PRPF8: variants seen among roughly 807,000 people sequenced by gnomAD.
PRPF8 encodes pre-mRNA processing factor 8, also known as pre-mRNA-processing-splicing factor 8.
Under a neutral mutation model 285.9 loss-of-function variants are expected in PRPF8, and 64 were observed. The ratio of observed to expected loss-of-function variants is 0.22; its 90% CI spans 0.18 to 0.28. The LOEUF (loss-of-function observed/expected upper bound fraction) is 0.28. Ranked by LOEUF, PRPF8 falls within the 10% of genes least tolerant of loss-of-function variation. The pLI, the probability that PRPF8 is intolerant of heterozygous loss-of-function variation, is 1.00. For missense variants in PRPF8, 1,426 were observed against 3,026.7 expected (o/e 0.47, Z 12.41); for synonymous variants, 1,325 against 1,118.2 (o/e 1.18, Z -3.69).
intron 4 of PRPF8, 40 bp from the exon 5 acceptor site, chr17:1,682,078 C>A: frequency 6.2e-7 from 1 of 1,613,312 alleles, no homozygotes. Context: ...CTACCCACTG[C>A]CTCCCAACCA....
At chr17:1,666,880 C>T (rs1160067605) in intron 24 of PRPF8, among the ~76,000 whole-genome samples, 1 of 151,834 alleles carries the variant, frequency 6.6e-6, no homozygotes. Context: ...GGCAGATCTA[C>T]AGAAAGGAGG....
rs1190693647 is a variant in PRPF8, at chr17:1,651,039, A to C, written c.6853+69T>G. 24 of 1,613,724 alleles carry C rather than the reference A, an allele frequency of 1.5e-5. No homozygotes were observed. The Admixed American group carries it at 4.0e-4, about 27-fold the overall frequency. ...CCACCTCCAAGCCAGCCAGGCCCCA[A>C]GTGCAAAGGGCGATGGCCTCACCTT... is the stretch of plus-strand genomic sequence containing the variant. On this transcript the variant is annotated intron_variant, in intron 42 of 42. Coordinates refer to ENST00000304992, the MANE Select transcript of PRPF8 (RefSeq NM_006445.4). The surrounding 1 kb of genome is among the most constrained non-coding windows in gnomAD (Gnocchi z 5.1).
At chr17:1,668,354 C>CTTTTTTGTTTTTTTTTTTT (rs1912109413) in intron 24 of PRPF8, among the ~76,000 whole-genome samples, 1 of 105,576 alleles carries the variant, frequency 9.5e-6, no homozygotes. Flanking sequence ...GTCTAGCATT[C>CTTTTTTGTTTTTTTTTTTT]TTTTTTTTTT....
In PRPF8 at chr17:1,676,640, G is replaced by T. The variant is rs751383183; in HGVS notation, c.2253C>A (p.Thr751=). The change falls in exon 16 of 43, where the codon ACC becomes ACA. Residue 751 remains threonine, a synonymous_variant. Coordinates refer to ENST00000304992, the MANE Select transcript of PRPF8 (RefSeq NM_006445.4). The surrounding 1 kb of genome is among the most constrained non-coding windows in gnomAD (Gnocchi z 6.3). ...GTTCTCGGTTGTAGTGGGCAGTGTT[G>T]GTCCACCAGTCAGCCTTGGCCTTCA... ...RYVKAKADWW[T]NTAHYNRERI... 1 of 1,614,172 alleles carries T rather than the reference G, an allele frequency of 6.2e-7. No individual in the cohort carries two copies. The highest frequency in any genetic ancestry group is 2.2e-5 in the East Asian group (1 of 44,874).
chr17:1,658,176 A>G lies in PRPF8; in HGVS notation c.5505+77T>C. On this transcript the variant is annotated intron_variant, in intron 34 of 42. Transcript: ENST00000304992. This position sits in a 1 kb window ranked among gnomAD's most constrained non-coding sequence, Gnocchi z 4.1. ...TTCTCAGCCTTTCATCTAATAAACC[A>G]GTAAATATTACCAAGTCCACCCCAA... is the stretch of plus-strand genomic sequence containing the variant. The G allele has an allele frequency of 1.9e-6, 3 of 1,601,490 alleles. No homozygotes were observed. The highest frequency in any genetic ancestry group is 2.6e-6 in the Non-Finnish European group (3 of 1,170,904).
At position 1,658,978 on chromosome 17, in the gene PRPF8, A is replaced by G. The variant is rs147569835; in HGVS notation, c.5139-215T>C. ...TAAAGTAAAAAAGTATGACTACGTT[A>G]AAGTATGGAGCTAATGGAAAATACA... On this transcript the variant is annotated intron_variant, in intron 32 of 42. Transcript: ENST00000304992. The surrounding 1 kb of genome is among the most constrained non-coding windows in gnomAD (Gnocchi z 4.1). The G allele has an allele frequency of 2.8e-4, 188 of 682,792 alleles. No individual in the cohort carries two copies. In the African/African-American group the frequency reaches 3.0e-3, roughly 11 times the overall value. 42.3% of individuals were successfully genotyped at this position (682,792 alleles called of 1,614,324 possible).
rs769676574 is a variant in PRPF8, at chr17:1,684,513, G to A, written c.59C>T (p.Pro20Leu). ...PGNPVPGPLA[P>L]LPDYMSEEKL... ...CTCCTCCGACATGTAGTCCGGTAGC[G>A]GGGCTAGAGGGCCAGGCACCGGGTT... Residue 20 changes from proline (P) to leucine (L), a missense_variant, in exon 2 of 43, where the codon CCG (proline) becomes CTG (leucine). Transcript: ENST00000304992. 2.5e-6 allele frequency: 4 copies of A among 1,612,646 alleles called. No individual in the cohort carries two copies. Among genetic ancestry groups the A allele is most frequent in the Admixed American group, 1.7e-5 (1 of 60,028 alleles).
chr17:1,668,309 C>G (rs1031939692), intron 24 of PRPF8, among the ~76,000 whole-genome samples: 4 of 151,458 alleles, frequency 2.6e-5, no homozygotes, highest in African/African-American at 9.7e-5. Flanking sequence ...CTCTTCTGCT[C>G]TCTCTCCTCT....
intron 24 of PRPF8, among the ~76,000 whole-genome samples, chr17:1,668,522 C>T (rs1053330838): frequency 8.6e-5 from 13 of 151,910 alleles, no homozygotes; most frequent in Admixed American, 7.2e-4. Flanking sequence ...GCCACGACAT[C>T]CAGCTAATTT....
rs1911494053 is a variant in PRPF8 at position 1,658,127 on chromosome 17, T to C, written c.5505+126A>G. ...CCCACAGAATACTTCCCAAGGTATT[T>C]TGGGGATAAGTTCAAATGAGATGTT... On this transcript the variant is annotated intron_variant, in intron 34 of 42. Coordinates refer to ENST00000304992, the MANE Select transcript of PRPF8 (RefSeq NM_006445.4). This position sits in a 1 kb window ranked among gnomAD's most constrained non-coding sequence, Gnocchi z 4.1. 3 of 1,401,020 alleles carry C rather than the reference T, an allele frequency of 2.1e-6. No individual in the cohort carries two copies. In the South Asian group the frequency reaches 3.7e-5, roughly 17 times the overall value. The allele number at this position is 1,401,020 out of a possible 1,614,324, so 86.8% of individuals were successfully genotyped here. A position where few individuals can be genotyped will look rare whatever the true frequency, so the allele number is the denominator to read the frequency against.
chr17:1,680,650 A>G (rs1375200851), intron 8 of PRPF8, 76 bp downstream of exon 8: 3 of 1,314,328 alleles, frequency 2.3e-6, no homozygotes, highest in Non-Finnish European at 3.3e-6. Context: ...CCTCCACCTG[A>G]GCGTTTAGTA....
intron 24 of PRPF8, among the ~76,000 whole-genome samples, chr17:1,666,370 G>A (rs1911985644): frequency 6.6e-6 from 1 of 151,664 alleles, no homozygotes; most frequent in African/African-American, 2.4e-5. Flanking sequence ...GCAACATGGC[G>A]AAACTGTCTG....
chr17:1,676,410 G>C lies in PRPF8; in HGVS notation c.2389-40C>G, dbSNP rs373703295. On this transcript the variant is annotated intron_variant, in intron 16 of 42. Transcript: ENST00000304992. The surrounding 1 kb of genome is among the most constrained non-coding windows in gnomAD (Gnocchi z 6.3). ...TGAAATTAGCCTCCCGCTACAGCCC[G>C]ATCCTGCCAGAACAAGGTTCAGTCA... 1.9e-6 allele frequency: 3 copies of C among 1,613,924 alleles called. No individual in the cohort carries two copies. The highest frequency in any genetic ancestry group is 2.2e-5 in the East Asian group (1 of 44,878).
chr17:1,655,297 C>T (rs1911306040), intron 37 of PRPF8, 53 bp downstream of exon 37: 1 of 1,603,108 alleles, frequency 6.2e-7, no homozygotes, highest in Non-Finnish European at 8.5e-7. Context: ...TCCAAAAAAC[C>T]CCAGAAAACC....
intron 36 of PRPF8, 58 bp downstream of exon 36, chr17:1,656,334 T>G: frequency 3.7e-6 from 6 of 1,606,944 alleles, no homozygotes; most frequent in Non-Finnish European, 5.1e-6. Context: ...ACACAGGATC[T>G]TCTCCTAACC....
rs2151133720 is a variant in PRPF8 at position 1,684,479 on chromosome 17, C to T, written c.93G>A (p.Gln31=). The part of the protein sequence containing the change: ...LPDYMSEEKL[Q]EKARKWQQLQ... ...TCCACACTCTCGCCTCACCTTTCTC[C>T]TGCAGCTTCTCCTCCGACATGTAGT... Residue 31 remains glutamine, a synonymous_variant, in exon 2 of 43, where the codon CAG becomes CAA. Coordinates refer to ENST00000304992, the MANE Select transcript of PRPF8 (RefSeq NM_006445.4). 1 of 1,612,716 alleles carries T rather than the reference C, an allele frequency of 6.2e-7. No individual in the cohort carries two copies. The highest frequency in any genetic ancestry group is 8.5e-7 in the Non-Finnish European group (1 of 1,179,750).
At position 1,675,486 on chromosome 17, in the gene PRPF8, T is replaced by C. The variant is rs1912562322; in HGVS notation, c.2872+134A>G. 1.4e-6 allele frequency: 2 copies of C among 1,450,464 alleles called. No homozygotes were observed. The highest frequency in any genetic ancestry group is 1.9e-6 in the Non-Finnish European group (2 of 1,037,962). 89.8% of individuals were successfully genotyped at this position (1,450,464 alleles called of 1,614,324 possible). A position where few individuals can be genotyped will look rare whatever the true frequency, so the allele number is the denominator to read the frequency against. ...GCTTTGACTATGGGCTTTTCCTCAGTTTAACACGAACACTACTTCCCTTTA... is the reference window on the plus strand; with the variant it reads ...GCTTTGACTATGGGCTTTTCCTCAGCTTAACACGAACACTACTTCCCTTTA... On this transcript the variant is annotated intron_variant, in intron 19 of 42. Transcript: ENST00000304992. The surrounding 1 kb of genome is among the most constrained non-coding windows in gnomAD (Gnocchi z 6.0).
chr17:1,661,468 T>C lies in PRPF8; in HGVS notation c.4203-62A>G. On this transcript the variant is annotated intron_variant, in intron 26 of 42. Transcript: ENST00000304992. This position sits in a 1 kb window ranked among gnomAD's most constrained non-coding sequence, Gnocchi z 7.3. ...CTCATATGAGGAGCTCAGCACTCCT[T>C]CCTGGCCAAAAATAATTAGGGTCAG... 6.2e-7 allele frequency: 1 copy of C among 1,612,992 alleles called. No individual in the cohort carries two copies. Among genetic ancestry groups the C allele is most frequent in the Non-Finnish European group, 8.5e-7 (1 of 1,179,704 alleles).
In PRPF8 at chr17:1,684,499, T is replaced by C. The variant is rs909667052; in HGVS notation, c.73A>G (p.Met25Val). The change falls in exon 2 of 43, where the codon ATG (methionine) becomes GTG (valine). Residue 25 changes from methionine to valine, a missense_variant. Around this residue, in one of 34 missense-constraint regions of PRPF8, gnomAD observed 72 missense variants for 80.0 expected, o/e 0.90. Coordinates refer to ENST00000304992, the MANE Select transcript of PRPF8 (RefSeq NM_006445.4). The stretch of plus-strand genomic sequence containing the variant: ...TTCTCCTGCAGCTTCTCCTCCGACA[T>C]GTAGTCCGGTAGCGGGGCTAGAGGG... ...PGPLAPLPDYMSEEKLQEKAR... is the reference protein window; with the variant it reads ...PGPLAPLPDYVSEEKLQEKAR... 10 of 1,612,456 alleles carry C rather than the reference T, an allele frequency of 6.2e-6. No individual in the cohort carries two copies. The highest frequency in any genetic ancestry group is 1.7e-5 in the Admixed American group (1 of 60,002).
Sources: gnomAD v4.1 joint callset for allele counts (sites outside exome capture counted in the v4.1 genomes callset) on GRCh38, gnomAD v4.1.1 for gene constraint, gnomAD v4.1.1 regional missense constraint, Gnocchi (gnomAD v3.1) non-coding constraint, MANE v1.5 for transcripts, NCBI Gene and HGNC (gene_info 2026-07-23, HGNC 2026-07-21) for gene names.